The following MEIS2 variants were observed in gnomAD, a reference collection of about 807,000 sequenced individuals.
MEIS2 encodes the protein homeobox protein Meis2.
Under a neutral mutation model 58.6 loss-of-function variants are expected in MEIS2, and 9 were observed. The ratio of observed to expected loss-of-function variants is 0.15; its 90% CI spans 0.09 to 0.27. The LOEUF (loss-of-function observed/expected upper bound fraction) is 0.27, where lower values mean the gene tolerates loss of function less well. MEIS2 is among the 10% of genes least tolerant of loss of function. The pLI is 1.00. For synonymous variants in MEIS2, 221 were observed against 228.4 expected (o/e 0.97, Z 0.29); for missense variants, 427 against 635.0 (o/e 0.67, Z 3.52).
At chr15:37,093,317 T>C (rs545492141) in intron 6 of MEIS2, among the ~76,000 whole-genome samples, 2 of 152,276 alleles carry the variant, frequency 1.3e-5, no homozygotes, top group Admixed American at 1.3e-4. Context: ...AGTCACCAAA[T>C]CCAGAAAACT....
At chr15:36,979,805 G>A (rs1255128767) in intron 8 of MEIS2, among the ~76,000 whole-genome samples, 2 of 145,856 alleles carry the variant, frequency 1.4e-5, no homozygotes, top group Non-Finnish European at 3.0e-5. Context: ...ATACAATATA[G>A]ATATTATTAG....
chr15:36,956,127 C>T (rs989942399), intron 8 of MEIS2, among the ~76,000 whole-genome samples: 7 of 131,500 alleles, frequency 5.3e-5, no homozygotes, highest in Admixed American at 8.7e-5. Flanking sequence ...ACCCGGGAGG[C>T]GGAGCTTGCA....
chr15:36,966,336 G>A (rs1321664524), intron 8 of MEIS2, among the ~76,000 whole-genome samples: 1 of 152,156 alleles, frequency 6.6e-6, no homozygotes, highest in Non-Finnish European at 1.5e-5. Flanking sequence ...ATATATTAAT[G>A]TCAGAGAAAT....
intron 9 of MEIS2, among the ~76,000 whole-genome samples, chr15:36,938,304 T>A (rs781605719): frequency 4.7e-5 from 7 of 150,212 alleles, no homozygotes; most frequent in Non-Finnish European, 8.9e-5. Flanking sequence ...TTCCTGTTAT[T>A]CTGACCTCTT....
At chr15:37,012,614 C>A (rs1317482687) in intron 8 of MEIS2, among the ~76,000 whole-genome samples, 1 of 152,166 alleles carries the variant, frequency 6.6e-6, no homozygotes, top group Non-Finnish European at 1.5e-5. Context: ...CATGTGTGTG[C>A]ATCTATATAC....
At chr15:36,997,626 C>T (rs1037330971) in intron 8 of MEIS2, among the ~76,000 whole-genome samples, 2 of 151,630 alleles carry the variant, frequency 1.3e-5, no homozygotes, top group Non-Finnish European at 2.9e-5. Context: ...ACTACAGGCA[C>T]CTGCCACCAC....
Position 37,099,614 on chromosome 15 carries a change from G to A in MEIS2, c.-148C>T, listed in dbSNP as rs576858165. The A allele has an allele frequency of 1.7e-6, 2 of 1,151,176 alleles. No homozygotes were observed. Among genetic ancestry groups the A allele is most frequent in the Admixed American group, 5.8e-5 (2 of 34,608 alleles). 71.3% of individuals were successfully genotyped at this position (1,151,176 alleles called of 1,614,324 possible). On this transcript the variant is annotated 5_prime_UTR_variant, in exon 1 of 12. Transcript: ENST00000561208. ...TCTCCAATATGCTATTTTTTAGGGGGGAAAAAAAGCCCAGTCTAGACAACG... is the reference window on the plus strand; with the variant it reads ...TCTCCAATATGCTATTTTTTAGGGGAGAAAAAAAGCCCAGTCTAGACAACG...
chr15:36,895,894 T>C (rs1595668370), intron 10 of MEIS2, among the ~76,000 whole-genome samples: 1 of 152,246 alleles, frequency 6.6e-6, no homozygotes, highest in African/African-American at 2.4e-5. Flanking sequence ...CCATCAAGTT[T>C]AACACCGTTG....
intron 8 of MEIS2, among the ~76,000 whole-genome samples, chr15:37,003,216 GGCCATAGACTCT>G (rs910649537): frequency 6.6e-6 from 1 of 151,820 alleles, no homozygotes; most frequent in African/African-American, 2.4e-5. Context: ...GATTTCACTG[GGCCATAGACTCT>G]GCCATAGACT....
intron 8 of MEIS2, among the ~76,000 whole-genome samples, chr15:37,028,936 A>G (rs1469764356): frequency 6.6e-6 from 1 of 151,790 alleles, no homozygotes; most frequent in African/African-American, 2.4e-5. Context: ...AAATAGGAAG[A>G]ACACTCAAGC....
intron 8 of MEIS2, among the ~76,000 whole-genome samples, chr15:36,966,303 T>C (rs979386951): frequency 1.5e-4 from 23 of 152,196 alleles, no homozygotes; most frequent in African/African-American, 5.5e-4. Context: ...CATATAGAAA[T>C]ATTTATCATG....
At chr15:37,002,629 C>G (rs903540561) in intron 8 of MEIS2, among the ~76,000 whole-genome samples, 10 of 151,830 alleles carry the variant, frequency 6.6e-5, no homozygotes, top group Non-Finnish European at 1.5e-4. Context: ...TGATTAGTTT[C>G]CTCATCTAGT....
chr15:37,022,369 T>C (rs1014232804), intron 8 of MEIS2, among the ~76,000 whole-genome samples: 2 of 152,208 alleles, frequency 1.3e-5, no homozygotes, highest in Non-Finnish European at 2.9e-5. Context: ...CACAAGTGGC[T>C]GGAACTAAAG....
At position 37,036,925 on chromosome 15, in the gene MEIS2, A is replaced by G. The variant is rs758813324; in HGVS notation, c.789T>C (p.Gly263=). The G allele has an allele frequency of 6.2e-7, 1 of 1,613,518 alleles. No individual in the cohort carries two copies. The highest frequency in any genetic ancestry group is 1.3e-5 in the African/African-American group (1 of 74,868). The change falls in exon 8 of 12, where the codon GGT becomes GGC. Residue 263 remains glycine (G), a synonymous_variant. Transcript: ENST00000561208. ...TATCCGGATCATCATCGTCACCTGT[A>G]CCAGGTGAAGCTACACTGTTGTCTA... ...DGLDNSVASP[G]TGDDDDPDKD...
chr15:37,034,069 TGAA>T (rs751883016), intron 8 of MEIS2, among the ~76,000 whole-genome samples: 2 of 151,684 alleles, frequency 1.3e-5, no homozygotes, highest in South Asian at 2.1e-4. Context: ...GGGCATGTTG[TGAA>T]GAAGGTCAGG....
At chr15:36,905,095 T>A (rs2056665831) in intron 9 of MEIS2, among the ~76,000 whole-genome samples, 1 of 152,146 alleles carries the variant, frequency 6.6e-6, no homozygotes, top group Admixed American at 6.5e-5. Flanking sequence ...GCAATAAACT[T>A]TGCCAGAGAT....
At chr15:36,927,645 G>A (rs1015316734) in intron 9 of MEIS2, among the ~76,000 whole-genome samples, 1 of 152,018 alleles carries the variant, frequency 6.6e-6, no homozygotes, top group African/African-American at 2.4e-5. Flanking sequence ...TAAGAAATAT[G>A]ACAGTCGGAG....
Position 36,965,810 on chromosome 15 carries a change from C to T in MEIS2, c.901-15410G>A, listed in dbSNP as rs539887648. On this transcript the variant is annotated intron_variant, in intron 8 of 11. Coordinates refer to ENST00000561208, the MANE Select transcript of MEIS2 (RefSeq NM_170675.5). ...GATAATGACCAGGAGACTAACTAGT[C>T]ATTCAAGTGAGAAAAAGCTTTGACA... Among the ~76,000 whole-genome samples the T allele has an allele frequency of 1.7e-4, 26 of 152,136 alleles. No homozygotes were observed. In the East Asian group the frequency reaches 4.8e-3, roughly 28 times the overall value.
chr15:36,995,636 G>T (rs747357787), intron 8 of MEIS2, among the ~76,000 whole-genome samples: 26 of 120,432 alleles, frequency 2.2e-4, no homozygotes, highest in Non-Finnish European at 3.5e-4. Context: ...CAGCAAGGCT[G>T]AACAGGAAAC....
Sources: allele counts gnomAD v4.1 joint callset (sites outside exome capture counted in the v4.1 genomes callset), GRCh38; gene constraint gnomAD v4.1.1; transcripts MANE v1.5; gene names NCBI Gene and HGNC (gene_info 2026-07-23, HGNC 2026-07-21).